Variants in RAB18 observed in about 807,000 individuals in gnomAD.
The protein encoded by RAB18 is RAB18, member RAS oncogene family, also known as ras-related protein Rab-18.
A neutral mutation model predicts 28.5 loss-of-function variants in RAB18; 10 were observed. That is an observed-to-expected ratio of 0.35 (90% CI 0.22 to 0.60). The LOEUF (loss-of-function observed/expected upper bound fraction) is 0.60, where lower values mean the gene tolerates loss of function less well. RAB18 is among the 20% of genes least tolerant of loss of function. The pLI, the probability that RAB18 is intolerant of heterozygous loss-of-function variation, is 0.78. For synonymous variants in RAB18, 93 were observed against 86.9 expected (o/e 1.07, Z -0.39); for missense variants, 188 against 244.2 (o/e 0.77, Z 1.53).
chr10:27,522,315 A>T lies in RAB18; in HGVS notation c.125-4513A>T, dbSNP rs530614390. ...CCTTTTTATCAAAATATTTTGTTTT[A>T]GTCTCCTAACAGTTTTTGACTTAAA... On this transcript the variant is annotated intron_variant, in intron 2 of 6. Coordinates refer to ENST00000356940, the MANE Select transcript of RAB18 (RefSeq NM_021252.5). Among the ~76,000 whole-genome samples, 99 of 152,246 alleles carry T rather than the reference A, an allele frequency of 6.5e-4. 2 individuals are homozygous for T. The South Asian group carries it at 0.019, about 30-fold the overall frequency.
At chr10:27,529,255 A>G (rs570807802) in intron 3 of RAB18, among the ~76,000 whole-genome samples, 1 of 151,994 alleles carries the variant, frequency 6.6e-6, no homozygotes, top group African/African-American at 2.4e-5. Flanking sequence ...GAGGAGGTAA[A>G]GGGTGTTCTT....
At chr10:27,535,706 G>C (rs981261883) in intron 6 of RAB18, among the ~76,000 whole-genome samples, 1 of 152,166 alleles carries the variant, frequency 6.6e-6, no homozygotes, top group South Asian at 2.1e-4. Context: ...TAGCCGTAGA[G>C]GGTGGTAGAA....
At chr10:27,523,798 G>A (rs1378815299) in intron 2 of RAB18, among the ~76,000 whole-genome samples, 8 of 151,380 alleles carry the variant, frequency 5.3e-5, no homozygotes, top group Admixed American at 5.3e-4. Context: ...GTTTATTTTT[G>A]GCTGGGTGCG....
At chr10:27,510,321 G>T (rs752988877) in intron 2 of RAB18, 1 of 270,730 alleles carries the variant, frequency 3.7e-6, no homozygotes, top group African/African-American at 2.2e-5. Context: ...CTCTGTCATC[G>T]TGGACCTAAC....
chr10:27,531,613 T>C (rs1267848826), intron 3 of RAB18: 3 of 894,902 alleles, frequency 3.4e-6, no homozygotes, highest in African/African-American at 1.7e-5. Context: ...CATGTGGCAA[T>C]ACGTAAGCAA....
At position 27,509,855 on chromosome 10, in the gene RAB18, CT is replaced by C; in HGVS notation, c.69-15del. 1 of 1,604,266 alleles carries C rather than the reference CT, an allele frequency of 6.2e-7. No individual in the cohort carries two copies. The highest frequency in any genetic ancestry group is 2.2e-5 in the East Asian group (1 of 44,818). ...TAGAAAATTCAAGTTCCCAACCTGTCTTTTTAATATCTCTTTCAGCCTGCTC... is the reference window on the plus strand; with the variant it reads ...TAGAAAATTCAAGTTCCCAACCTGTCTTTTAATATCTCTTTCAGCCTGCTC... On this transcript the variant is annotated intron_variant, in intron 1 of 6. Coordinates refer to ENST00000356940, the MANE Select transcript of RAB18 (RefSeq NM_021252.5).
At chr10:27,523,261 T>C (rs1834598484) in intron 2 of RAB18, among the ~76,000 whole-genome samples, 2 of 118,522 alleles carry the variant, frequency 1.7e-5, no homozygotes, top group Admixed American at 1.0e-4. Context: ...GAGTTTTTCT[T>C]CTTCTTTTTT....
chr10:27,507,849 G>T (rs1175764566), intron 1 of RAB18, among the ~76,000 whole-genome samples: 2 of 151,576 alleles, frequency 1.3e-5, no homozygotes, highest in Non-Finnish European at 2.9e-5. Context: ...ACCAGCTTGG[G>T]CAACATAACG....
At chr10:27,527,554 ATCTG>A (rs1209632241) in intron 3 of RAB18, among the ~76,000 whole-genome samples, 10 of 148,584 alleles carry the variant, frequency 6.7e-5, no homozygotes, top group Non-Finnish European at 1.2e-4. Context: ...ATCTATCTAT[ATCTG>A]TCTATCTAAA....
intron 2 of RAB18, among the ~76,000 whole-genome samples, chr10:27,516,174 C>G (rs1834434365): frequency 6.6e-6 from 1 of 152,078 alleles, no homozygotes; most frequent in African/African-American, 2.4e-5. Context: ...AGAACCAATT[C>G]TGTGTTCCAT....
chr10:27,523,611 C>CTT (rs775018935), intron 2 of RAB18, among the ~76,000 whole-genome samples: 38 of 131,310 alleles, frequency 2.9e-4, no homozygotes, highest in Admixed American at 3.8e-4. Flanking sequence ...CCATTTTTAC[C>CTT]TTTTTTTTTT....
At chr10:27,518,625 T>G (rs1469316875) in intron 2 of RAB18, among the ~76,000 whole-genome samples, 9 of 152,120 alleles carry the variant, frequency 5.9e-5, no homozygotes, top group Non-Finnish European at 4.4e-5. Flanking sequence ...TTTGCTTTTT[T>G]GGGGGCTTTG....
At chr10:27,513,831 G>A (rs1272784966) in intron 2 of RAB18, 2 of 152,180 alleles carry the variant, frequency 1.3e-5, no homozygotes, top group Non-Finnish European at 2.9e-5. Flanking sequence ...AAAGTGAAGT[G>A]GGTTTCTTCA....
intron 6 of RAB18, among the ~76,000 whole-genome samples, chr10:27,534,919 T>C (rs572446201): frequency 1.3e-5 from 2 of 152,338 alleles, no homozygotes; most frequent in East Asian, 3.9e-4. Context: ...CTCATTTCCA[T>C]ACATTAGTTT....
In RAB18 at chr10:27,538,857, C is replaced by T. The variant is rs1172830055; in HGVS notation, c.*806C>T. On this transcript the variant is annotated 3_prime_UTR_variant, in exon 7 of 7. Coordinates refer to ENST00000356940, the MANE Select transcript of RAB18 (RefSeq NM_021252.5). ...ACTCCTCATACACTTTTAAAACCAACATCTTTTTTCATAAATGTTGGTAGT... is the reference window on the plus strand; with the variant it reads ...ACTCCTCATACACTTTTAAAACCAATATCTTTTTTCATAAATGTTGGTAGT... 2.2e-6 allele frequency: 1 copy of T among 453,860 alleles called. No individual in the cohort carries two copies. The highest frequency in any genetic ancestry group is 1.6e-5 in the South Asian group (1 of 64,470). 28.1% of individuals were successfully genotyped at this position (453,860 alleles called of 1,614,324 possible).
intron 6 of RAB18, among the ~76,000 whole-genome samples, chr10:27,534,896 T>G (rs1350146997): frequency 6.6e-6 from 1 of 152,250 alleles, no homozygotes; most frequent in African/African-American, 2.4e-5. Flanking sequence ...GTACTTTTAC[T>G]TGCTGTATGT....
In RAB18 at chr10:27,524,268, A is replaced by G. The variant is rs539401162; in HGVS notation, c.125-2560A>G. On this transcript the variant is annotated intron_variant, in intron 2 of 6. Transcript: ENST00000356940. ...AGAAAGTTCTGTTTGATCCTTTTTT[A>G]TGTCACTCATGTCTACTTTTTGAAC... Among the ~76,000 whole-genome samples, 5 of 151,992 alleles carry G rather than the reference A, an allele frequency of 3.3e-5. No individual in the cohort carries two copies. In the South Asian group the frequency reaches 1.0e-3, roughly 32 times the overall value.
intron 2 of RAB18, among the ~76,000 whole-genome samples, chr10:27,524,874 A>G (rs1345401151): frequency 1.3e-5 from 2 of 152,200 alleles, no homozygotes; most frequent in Non-Finnish European, 2.9e-5. Context: ...GAACCTAGGG[A>G]AGATGACTGG....
chr10:27,537,577 A>G (rs1834925509), intron 6 of RAB18, among the ~76,000 whole-genome samples: 1 of 152,212 alleles, frequency 6.6e-6, no homozygotes, highest in Admixed American at 6.5e-5. Context: ...CTTAAGGAAA[A>G]AACTTTCGCT....
Sources: gnomAD v4.1 joint callset for allele counts (sites outside exome capture counted in the v4.1 genomes callset) on GRCh38, gnomAD v4.1.1 for gene constraint, MANE v1.5 for transcripts, NCBI Gene and HGNC (gene_info 2026-07-23, HGNC 2026-07-21) for gene names.